The following PRKDC variants were observed in gnomAD, a reference collection of about 807,000 sequenced individuals.
PRKDC encodes protein kinase, DNA-activated, catalytic subunit, also known as DNA-dependent protein kinase catalytic subunit.
Under a neutral mutation model 486.9 loss-of-function variants are expected in PRKDC, and 82 were observed. That is an observed-to-expected ratio of 0.17 (90% CI 0.14 to 0.20). The LOEUF is 0.20. PRKDC is among the 10% of genes least tolerant of loss of function. PRKDC has a pLI of 1.00. For synonymous variants in PRKDC, 1,895 were observed against 1,837.0 expected, an observed-to-expected ratio of 1.03 and a Z score of -0.81; for missense variants, 4,504 against 5,038.2, an observed-to-expected ratio of 0.89 and a Z score of 3.21.
Position 47,798,223 on chromosome 8 carries a change from A to G in PRKDC, c.10458+14T>C, listed in dbSNP as rs372372011. ...GTAAAGTTCCTTACCGCCAAGTAGA[A>G]TAAAGACACCAACCTCTTTTGTCAT... is the stretch of plus-strand genomic sequence containing the variant. On this transcript the variant is annotated intron_variant, in intron 73 of 85. Transcript: ENST00000314191. 18 of 1,604,624 alleles carry G rather than the reference A, an allele frequency of 1.1e-5. No homozygotes were observed. The African/African-American group carries it at 2.2e-4, about 19-fold the overall frequency.
intron 80 of PRKDC, among the ~76,000 whole-genome samples, chr8:47,781,059 A>C (rs1002354074): frequency 6.6e-6 from 1 of 152,214 alleles, no homozygotes; most frequent in Non-Finnish European, 1.5e-5. Context: ...CCATTATGTA[A>C]GGTGCTTTCA....
At chr8:47,875,330 CTG>C (rs930860976) in intron 40 of PRKDC, among the ~76,000 whole-genome samples, 4 of 152,174 alleles carry the variant, frequency 2.6e-5, no homozygotes, top group Non-Finnish European at 5.9e-5. Flanking sequence ...TTTTGACAAA[CTG>C]TGGTTCTTCC....
At chr8:47,959,703 TGCCCTGCCCCCCACTCTGCATAGC>T (rs1226731189) in intron 1 of PRKDC, among the ~76,000 whole-genome samples, 1 of 152,058 alleles carries the variant, frequency 6.6e-6, no homozygotes, top group Non-Finnish European at 1.5e-5. Context: ...TTATTTCTCT[TGCCCTGCCCCCCACTCTGCATAGC>T]AATGATTGCC....
chr8:47,778,594 G>A lies in PRKDC; in HGVS notation c.11718C>T (p.Ser3906=). The A allele has an allele frequency of 6.2e-7, 1 of 1,613,762 alleles. No individual in the cohort carries two copies. The highest frequency in any genetic ancestry group is 1.1e-5 in the South Asian group (1 of 91,018). ...AFLALRSHFA[S]SHALICISHW... ...GGCTGATGCATATCAGAGCGTGAGAGCTGGCGAAGTGGGAGCGGAGCGCCA... is the reference window on the plus strand; with the variant it reads ...GGCTGATGCATATCAGAGCGTGAGAACTGGCGAAGTGGGAGCGGAGCGCCA... The change falls in exon 83 of 86, where the codon AGC becomes AGT. Residue 3906 remains serine, a synonymous_variant. Transcript: ENST00000314191.
In PRKDC at chr8:47,957,261, A is replaced by G. The variant is rs746672297; in HGVS notation, c.234T>C (p.Phe78=). The G allele has an allele frequency of 3.8e-6, 6 of 1,594,516 alleles. No homozygotes were observed. Among genetic ancestry groups the G allele is most frequent in the Non-Finnish European group, 5.2e-6 (6 of 1,164,812 alleles). The part of the protein sequence containing the change: ...FVRKSLNSIE[F]RECREEILKF... The stretch of plus-strand genomic sequence containing the variant: ...TTAGGATTTCTTCTCTACATTCACG[A>G]AACTGTAATGAAAGAGATACATATT... Residue 78 remains phenylalanine (F), a splice_region_variant and synonymous_variant, in exon 3 of 86, where the codon TTT becomes TTC. Transcript: ENST00000314191.
chr8:47,933,983 CAGG>C lies in PRKDC; in HGVS notation c.1602_1604del (p.Leu535del), dbSNP rs768182580. 6 of 1,612,830 alleles carry C rather than the reference CAGG, an allele frequency of 3.7e-6. No individual in the cohort carries two copies. The African/African-American group carries it at 4.0e-5, about 11-fold the overall frequency. ...ATGTTACCATCATCTGGTCAGAGCTCAGGAGATGTCTGAAGAGATCCACGTAGT... is the reference window on the plus strand; with the variant it reads ...ATGTTACCATCATCTGGTCAGAGCTCAGATGTCTGAAGAGATCCACGTAGT... On this transcript the variant is annotated inframe_deletion, in exon 15 of 86. Transcript: ENST00000314191.
chr8:47,948,887 T>G (rs191628608), intron 7 of PRKDC, among the ~76,000 whole-genome samples: 260 of 152,378 alleles, frequency 1.7e-3, no homozygotes, highest in Middle Eastern at 0.01. Context: ...ACTTGCCATT[T>G]GTTAGCTATA....
chr8:47,797,315 G>A (rs2087003367), intron 73 of PRKDC, among the ~76,000 whole-genome samples: 1 of 152,110 alleles, frequency 6.6e-6, no homozygotes, highest in South Asian at 2.1e-4. Flanking sequence ...AAATCATAAT[G>A]AAGTTATTTG....
chr8:47,927,960 T>C, intron 19 of PRKDC, 70 bp from the exon 20 acceptor site: 2 of 1,301,620 alleles, frequency 1.5e-6, no homozygotes, highest in African/African-American at 3.1e-5. Context: ...TAAAAAGTAT[T>C]TGCCCTATTC....
At chr8:47,866,345 T>C (rs1042803852) in intron 40 of PRKDC, among the ~76,000 whole-genome samples, 7 of 152,238 alleles carry the variant, frequency 4.6e-5, no homozygotes, top group Middle Eastern at 3.4e-3. Context: ...TGTTGTTTTA[T>C]AGGCCACCCA....
rs555914109 is a variant in PRKDC, at chr8:47,919,876, C to A, written c.2420-1493G>T. Among the ~76,000 whole-genome samples, 13 of 152,162 alleles carry A rather than the reference C, an allele frequency of 8.5e-5. No individual in the cohort carries two copies. The East Asian group carries it at 2.3e-3, about 27-fold the overall frequency. ...CATAAACAAAATCTCTGCAGCACTG[C>A]GACATGTTCGTGATGGCCATGATGT... On this transcript the variant is annotated intron_variant, in intron 21 of 85. Transcript: ENST00000314191.
At position 47,898,492 on chromosome 8, in the gene PRKDC, C is replaced by T; in HGVS notation, c.3442G>A (p.Ala1148Thr). The T allele has an allele frequency of 2.6e-6, 4 of 1,559,220 alleles. No individual in the cohort carries two copies. In the South Asian group the frequency reaches 4.7e-5, roughly 18 times the overall value. The change falls in exon 29 of 86, where the codon GCA becomes ACA. Residue 1148 changes from alanine to threonine, a missense_variant. Ala to Thr is a moderately conservative substitution (Grantham distance 58). Transcript: ENST00000314191. Reference protein sequence around the residue: ...IEKKHVSLNKAKKRRLPRGFP... With the variant: ...IEKKHVSLNKTKKRRLPRGFP... ...TACCGCGGCAAACGTCGTTTCTTTG[C>T]TTTATTTAAAGAAACATGCTTCTTT... is the stretch of plus-strand genomic sequence containing the variant.
At chr8:47,801,389 T>C (rs1324515269) in intron 70 of PRKDC, among the ~76,000 whole-genome samples, 1 of 152,206 alleles carries the variant, frequency 6.6e-6, no homozygotes, top group African/African-American at 2.4e-5. Flanking sequence ...TGTTTTCTAT[T>C]AAGAAATTAA....
intron 29 of PRKDC, among the ~76,000 whole-genome samples, chr8:47,897,789 G>A (rs1006767299): frequency 5.3e-5 from 8 of 152,200 alleles, no homozygotes; most frequent in African/African-American, 1.9e-4. Context: ...AACTGATATC[G>A]TAAGTTAATA....
intron 72 of PRKDC, 22 bp downstream of exon 72, chr8:47,799,188 A>T: frequency 6.2e-7 from 1 of 1,613,298 alleles, no homozygotes; most frequent in Non-Finnish European, 8.5e-7. Context: ...ATGGAACACT[A>T]GCTTTTTAAT....
intron 68 of PRKDC, among the ~76,000 whole-genome samples, chr8:47,808,828 G>A (rs2087266296): frequency 6.6e-6 from 1 of 151,958 alleles, no homozygotes; most frequent in African/African-American, 2.4e-5. Flanking sequence ...GTATGGCCAG[G>A]GAGTTCGAGA....
chr8:47,871,145 G>A (rs908410451), intron 40 of PRKDC, among the ~76,000 whole-genome samples: 2 of 152,218 alleles, frequency 1.3e-5, no homozygotes, highest in Non-Finnish European at 2.9e-5. Context: ...AAGGTAGCGG[G>A]AGACAGGGGT....
Position 47,877,723 on chromosome 8 carries a change from C to A in PRKDC, c.5363+1G>T. The A allele has an allele frequency of 6.3e-7, 1 of 1,582,790 alleles. No individual in the cohort carries two copies. Among genetic ancestry groups the A allele is most frequent in the Non-Finnish European group, 8.6e-7 (1 of 1,163,674 alleles). On this transcript the variant is annotated splice_donor_variant, in intron 40 of 85. Transcript: ENST00000314191. LOFTEE classifies it high-confidence loss of function. ...TGAGATCCCAGGCCAGAATGACTTACCTTCTGGCAATCCTCCTGAAACTGG... is the reference window on the plus strand; with the variant it reads ...TGAGATCCCAGGCCAGAATGACTTAACTTCTGGCAATCCTCCTGAAACTGG...
intron 58 of PRKDC, 138 bp from the exon 59 acceptor site, chr8:47,834,534 G>A (rs1253981999): frequency 1.2e-6 from 1 of 849,022 alleles, no homozygotes; most frequent in Non-Finnish European, 1.8e-6. Flanking sequence ...GGCTCTGTCA[G>A]GTCCCAGGGT....
Sources: gnomAD v4.1 joint callset for allele counts (sites outside exome capture counted in the v4.1 genomes callset) on GRCh38, gnomAD v4.1.1 for gene constraint, MANE v1.5 for transcripts, NCBI Gene and HGNC (gene_info 2026-07-23, HGNC 2026-07-21) for gene names.